AMD1: variants seen among roughly 807,000 people sequenced by gnomAD.
The protein encoded by AMD1 is S-adenosylmethionine decarboxylase proenzyme.
AMD1 carries 11 observed loss-of-function variants against 40.2 expected under a neutral mutation model. That is an observed-to-expected ratio of 0.27 (90% CI 0.17 to 0.45). AMD1 has a LOEUF of 0.45. Ranked by LOEUF, AMD1 falls within the 20% of genes least tolerant of loss-of-function variation. AMD1 has a pLI of 1.00. For missense variants in AMD1, 257 were observed against 410.2 expected, an observed-to-expected ratio of 0.63 and a Z score of 3.23; for synonymous variants, 121 against 130.8, an observed-to-expected ratio of 0.93 and a Z score of 0.51.
In AMD1 at chr6:110,890,322, G is replaced by C. The variant is rs1261302827; in HGVS notation, c.393G>C (p.Gln131His). 2 of 1,599,708 alleles carry C rather than the reference G, an allele frequency of 1.3e-6. No homozygotes were observed. Among genetic ancestry groups the C allele is most frequent in the South Asian group, 2.3e-5 (2 of 87,246 alleles). Residue 131 changes from glutamine to histidine, a missense_variant, in exon 4 of 9, where the codon CAG (glutamine) becomes CAC (histidine). Physicochemically the swap from Gln to His is conservative, Grantham distance 24. Coordinates refer to ENST00000368885, the MANE Select transcript of AMD1 (RefSeq NM_001634.6). ...SHQGYPHRNF[Q>H]EEIEFLNAIF... ...AAGGGTACCCACACCGGAATTTCCAGGAAGAAATAGAGTTTCTTAATGCAA... is the reference window on the plus strand; with the variant it reads ...AAGGGTACCCACACCGGAATTTCCACGAAGAAATAGAGTTTCTTAATGCAA...
chr6:110,842,309 G>A, the AMD1 span, among the ~76,000 whole-genome samples: 73 of 152,304 alleles, frequency 4.8e-4, 3 homozygotes, highest in South Asian at 0.015. Context: ...TCCAGACCAG[G>A]GGGCAGATAT....
chr6:110,833,162 A>G, the AMD1 span, among the ~76,000 whole-genome samples: 1 of 152,220 alleles, frequency 6.6e-6, no homozygotes, highest in African/African-American at 2.4e-5. Context: ...CACAGTATAA[A>G]GGCAAAGGCT....
the AMD1 span, among the ~76,000 whole-genome samples, chr6:110,866,838 A>G: frequency 6.7e-6 from 1 of 149,904 alleles, no homozygotes; most frequent in Non-Finnish European, 1.5e-5. Context: ...TTTGAGACAG[A>G]GTTTCACTCT....
At chr6:110,869,660 C>A in the AMD1 span, among the ~76,000 whole-genome samples, 1 of 152,042 alleles carries the variant, frequency 6.6e-6, no homozygotes, top group African/African-American at 2.4e-5. Context: ...TAGGCGTGCT[C>A]CACCACGCTC....
chr6:110,854,023 T>A, the AMD1 span, among the ~76,000 whole-genome samples: 1 of 152,154 alleles, frequency 6.6e-6, no homozygotes, highest in Admixed American at 6.5e-5. Flanking sequence ...TTGGCAGGGG[T>A]GAAGGAAAAT....
chr6:110,838,915 C>A, the AMD1 span, among the ~76,000 whole-genome samples: 2 of 152,140 alleles, frequency 1.3e-5, no homozygotes, highest in Non-Finnish European at 2.9e-5. Context: ...ATTATAGGCG[C>A]TTGCCACCAC....
chr6:110,836,138 T>A, the AMD1 span, among the ~76,000 whole-genome samples: 1 of 151,566 alleles, frequency 6.6e-6, no homozygotes, highest in Non-Finnish European at 1.5e-5. Flanking sequence ...CTGAAGGCAA[T>A]CTGGCAATAG....
the AMD1 span, among the ~76,000 whole-genome samples, chr6:110,838,333 G>A: frequency 6.7e-6 from 1 of 150,134 alleles, no homozygotes; most frequent in Admixed American, 6.6e-5. Flanking sequence ...AGGTTGCAGT[G>A]AGCTGAGATC....
chr6:110,880,477 G>C (rs542654035), intron 1 of AMD1, among the ~76,000 whole-genome samples: 1 of 152,218 alleles, frequency 6.6e-6, no homozygotes, highest in South Asian at 2.1e-4. Flanking sequence ...TATTCTTCTA[G>C]GAGTTTTATT....
chr6:110,868,157 A>ATTT, the AMD1 span, among the ~76,000 whole-genome samples: 1 of 150,726 alleles, frequency 6.6e-6, no homozygotes, highest in African/African-American at 2.4e-5. Flanking sequence ...TATTATTATT[A>ATTT]TTATTTTTGA....
At chr6:110,840,230 T>C in the AMD1 span, among the ~76,000 whole-genome samples, 22,038 of 151,922 alleles carry the variant, frequency 0.15, 1,781 homozygotes, top group East Asian at 0.31. Context: ...TACATTTGCT[T>C]TTTTCTTGGC....
chr6:110,885,185 C>T (rs962960753), intron 1 of AMD1, among the ~76,000 whole-genome samples: 7 of 152,222 alleles, frequency 4.6e-5, no homozygotes, highest in South Asian at 4.1e-4. Context: ...GGTGCGATCT[C>T]GGCTCACTGC....
At chr6:110,819,815 T>C in the AMD1 span, among the ~76,000 whole-genome samples, 1 of 152,186 alleles carries the variant, frequency 6.6e-6, no homozygotes, top group Non-Finnish European at 1.5e-5. Context: ...ACTGATAAGA[T>C]GCAGTAAAGA....
At position 110,874,851 on chromosome 6, in the gene AMD1, GAATA is replaced by G. The variant is rs1785011296; in HGVS notation, c.-254_-251del. ...TACTCTCTCTAACGGGAAAGCAGCG[GAATA>G]CAAGAGACTGAACTGTATCTGCCTC... On this transcript the variant is annotated 5_prime_UTR_variant, in exon 1 of 9. Coordinates refer to ENST00000368885, the MANE Select transcript of AMD1 (RefSeq NM_001634.6). The G allele has an allele frequency of 4.6e-6, 2 of 438,174 alleles. No individual in the cohort carries two copies. Among genetic ancestry groups the G allele is most frequent in the South Asian group, 2.9e-5 (1 of 34,544 alleles). 27.1% of individuals were successfully genotyped at this position (438,174 alleles called of 1,614,324 possible). A position where few individuals can be genotyped will look rare whatever the true frequency, so the allele number is the denominator to read the frequency against.
the AMD1 span, among the ~76,000 whole-genome samples, chr6:110,821,482 C>T: frequency 1.4e-4 from 22 of 151,952 alleles, no homozygotes; most frequent in African/African-American, 4.6e-4. Flanking sequence ...AGTGTGGTGG[C>T]GGGCACCTGT....
At chr6:110,822,107 T>C in the AMD1 span, among the ~76,000 whole-genome samples, 1 of 151,990 alleles carries the variant, frequency 6.6e-6, no homozygotes, top group African/African-American at 2.4e-5. Context: ...GCACAGTGGC[T>C]CACTCCTGTA....
the AMD1 span, chr6:110,859,271 C>G: frequency 2.7e-6 from 1 of 373,798 alleles, no homozygotes; most frequent in East Asian, 5.2e-5. Context: ...CTGTGAGTGG[C>G]GGTGTGGGAT....
At chr6:110,891,682 G>A (rs755111249) in intron 4 of AMD1, 2 of 168,420 alleles carry the variant, frequency 1.2e-5, no homozygotes, top group East Asian at 3.2e-4. Flanking sequence ...GCAAATACCC[G>A]CCAAGTCAGT....
At chr6:110,855,065 CTTTTTTTTTTTTTT>C in the AMD1 span, among the ~76,000 whole-genome samples, 1 of 80,448 alleles carries the variant, frequency 1.2e-5, no homozygotes, top group African/African-American at 4.9e-5. Flanking sequence ...CTCTCTCTCT[CTTTTTTTTTTTTTT>C]TTTTTTTTTT....
Sources: gnomAD v4.1 joint callset for allele counts (sites outside exome capture counted in the v4.1 genomes callset) on GRCh38, gnomAD v4.1.1 for gene constraint, MANE v1.5 for transcripts, NCBI Gene and HGNC (gene_info 2026-07-23, HGNC 2026-07-21) for gene names.